The following LANCL1 variants were observed in gnomAD, a reference collection of about 807,000 sequenced individuals.
LANCL1 encodes the protein glutathione S-transferase LANCL1.
LANCL1 carries 50 observed loss-of-function variants against 50.6 expected under a neutral mutation model. The observed-to-expected ratio is 0.99, with a 90% CI of 0.79 to 1.25. LANCL1 has a LOEUF of 1.25. Ranked by LOEUF, LANCL1 falls within the 50% of genes most tolerant of loss-of-function variation. The pLI, the probability that LANCL1 is intolerant of heterozygous loss-of-function variation, is 0.00. For missense variants in LANCL1, 532 were observed against 480.7 expected, an observed-to-expected ratio of 1.11 and a Z score of -1.00; for synonymous variants, 188 against 178.6, an observed-to-expected ratio of 1.05 and a Z score of -0.42.
At position 210,462,823 on chromosome 2, in the gene LANCL1, C is replaced by T. The variant is rs1693904814; in HGVS notation, c.200-7509G>A. ...TTGTTTCCTTCTTACTTTCCAAATT[C>T]CTTTCATACTTTATCAGGGCTTACT... On this transcript the variant is annotated intron_variant, in intron 3 of 9. Coordinates refer to ENST00000450366, the MANE Select transcript of LANCL1 (RefSeq NM_006055.3). Among the ~76,000 whole-genome samples, 4 of 152,138 alleles carry T rather than the reference C, an allele frequency of 2.6e-5. No individual in the cohort carries two copies. The South Asian group carries it at 8.3e-4, about 32-fold the overall frequency.
In LANCL1 at chr2:210,437,795, G is replaced by A; in HGVS notation, c.768C>T (p.Phe256=). 6.2e-7 allele frequency: 1 copy of A among 1,613,198 alleles called. No homozygotes were observed. Among genetic ancestry groups the A allele is most frequent in the South Asian group, 1.1e-5 (1 of 91,020 alleles). The change falls in exon 7 of 10, where the codon TTC becomes TTT. Residue 256 remains phenylalanine, a synonymous_variant. Coordinates refer to ENST00000450366, the MANE Select transcript of LANCL1 (RefSeq NM_006055.3). ...PSVDYVCQLK[F]PSGNYPPCIG... ...TACATGGAGGGTAATTGCCAGAAGG[G>A]AATTTCAGCTGGCAGACGTAGTCTA... is the stretch of plus-strand genomic sequence containing the variant.
chr2:210,465,385 A>T (rs1265228083), intron 3 of LANCL1, among the ~76,000 whole-genome samples: 1 of 152,242 alleles, frequency 6.6e-6, no homozygotes, highest in East Asian at 1.9e-4. Flanking sequence ...ATTACACGAA[A>T]CACCTGAACT....
At chr2:210,451,115 G>A (rs1317636617) in intron 4 of LANCL1, among the ~76,000 whole-genome samples, 1 of 152,208 alleles carries the variant, frequency 6.6e-6, no homozygotes, top group South Asian at 2.1e-4. Context: ...TAAAGAAAAT[G>A]TAGCACATAT....
At chr2:210,456,662 T>A (rs1194099767) in intron 3 of LANCL1, among the ~76,000 whole-genome samples, 1 of 152,134 alleles carries the variant, frequency 6.6e-6, no homozygotes, top group Admixed American at 6.5e-5. Flanking sequence ...TTCATCTCCA[T>A]CCATATCACG....
chr2:210,445,086 C>T (rs903079011), intron 4 of LANCL1, among the ~76,000 whole-genome samples: 20 of 151,674 alleles, frequency 1.3e-4, no homozygotes, highest in Non-Finnish European at 2.6e-4. Flanking sequence ...ATAAATGTGT[C>T]AAATTATATA....
At chr2:210,448,718 T>C (rs763409014) in intron 4 of LANCL1, among the ~76,000 whole-genome samples, 3 of 152,182 alleles carry the variant, frequency 2.0e-5, no homozygotes, top group Non-Finnish European at 2.9e-5. Context: ...CAGAGAATAC[T>C]ATAAACATCT....
chr2:210,453,559 C>A (rs982464322), intron 4 of LANCL1, among the ~76,000 whole-genome samples: 1 of 152,172 alleles, frequency 6.6e-6, no homozygotes, highest in South Asian at 2.1e-4. Flanking sequence ...TCTCACATAG[C>A]AAACTATTAA....
intron 3 of LANCL1, among the ~76,000 whole-genome samples, chr2:210,465,764 C>T (rs1703583111): frequency 6.6e-6 from 1 of 152,108 alleles, no homozygotes; most frequent in South Asian, 2.1e-4. Context: ...CAGCTTTTGC[C>T]AACCAAGAGG....
chr2:210,469,294 CTG>C (rs575955992), intron 3 of LANCL1: 51 of 152,246 alleles, frequency 3.3e-4, no homozygotes, highest in African/African-American at 1.0e-3. Context: ...GGTATTAACA[CTG>C]TGATTTTATG....
chr2:210,472,080 G>C lies in LANCL1; in HGVS notation c.82-4C>G, dbSNP rs200769182. On this transcript the variant is annotated splice_polypyrimidine_tract_variant and splice_region_variant and intron_variant, in intron 2 of 9. Coordinates refer to ENST00000450366, the MANE Select transcript of LANCL1 (RefSeq NM_006055.3). ...GTTGTGAGAACTCAGGAGTCAGCTAGATATTAAAGGAAAACAAGTATCAAA... is the reference window on the plus strand; with the variant it reads ...GTTGTGAGAACTCAGGAGTCAGCTACATATTAAAGGAAAACAAGTATCAAA... 1 of 1,593,916 alleles carries C rather than the reference G, an allele frequency of 6.3e-7. No individual in the cohort carries two copies. Among genetic ancestry groups the C allele is most frequent in the East Asian group, 2.2e-5 (1 of 44,762 alleles).
chr2:210,438,160 G>T (rs977704351), intron 6 of LANCL1, among the ~76,000 whole-genome samples: 1 of 139,930 alleles, frequency 7.1e-6, no homozygotes, highest in African/African-American at 2.7e-5. Context: ...TTGAGATGGA[G>T]TTTCACTCTT....
intron 4 of LANCL1, among the ~76,000 whole-genome samples, chr2:210,452,239 A>G (rs1332212500): frequency 6.6e-6 from 1 of 152,146 alleles, no homozygotes; most frequent in East Asian, 1.9e-4. Context: ...TATTAAAAAA[A>G]AAAAAAAGAT....
chr2:210,471,977 C>G lies in LANCL1; in HGVS notation c.181G>C (p.Gly61Arg). 1 of 1,613,006 alleles carries G rather than the reference C, an allele frequency of 6.2e-7. No homozygotes were observed. The highest frequency in any genetic ancestry group is 1.1e-5 in the South Asian group (1 of 91,054). ...TTCATACCTGCCCAGCCAGTGTAAC[C>G]GGTGCCATCCCGAGGGTCTGCTGAT... ...LKSADPRDGT[G>R]YTGWAGIAVL... Residue 61 changes from glycine (G) to arginine (R), a missense_variant, in exon 3 of 10, where the codon GGT becomes CGT. Physicochemically the swap from Gly to Arg is moderately radical, Grantham distance 125. Transcript: ENST00000450366.
At chr2:210,477,183 A>T (rs1694414146), upstream of LANCL1, among the ~76,000 whole-genome samples, 1 of 147,160 alleles carries the variant, frequency 6.8e-6, no homozygotes, top group Admixed American at 6.7e-5. Context: ...CACCATCATT[A>T]ACAACAACAA....
chr2:210,476,596 A>G (rs897452495), intron 1 of LANCL1, 24 bp downstream of exon 1: 71 of 1,363,340 alleles, frequency 5.2e-5, no homozygotes, highest in Non-Finnish European at 6.7e-5. Flanking sequence ...CTTCGCGAAA[A>G]AGCTGCCAGG....
At chr2:210,470,161 A>G (rs1221469186) in intron 3 of LANCL1, among the ~76,000 whole-genome samples, 1 of 152,220 alleles carries the variant, frequency 6.6e-6, no homozygotes, top group Non-Finnish European at 1.5e-5. Context: ...TTCAACATTC[A>G]CTGATGACAT....
intron 3 of LANCL1, among the ~76,000 whole-genome samples, chr2:210,462,070 G>A (rs1391769317): frequency 1.3e-5 from 2 of 152,132 alleles, no homozygotes; most frequent in African/African-American, 4.8e-5. Flanking sequence ...AGCACCTACA[G>A]TCTACCTGGA....
chr2:210,441,396 A>C lies in LANCL1; in HGVS notation c.455T>G (p.Leu152Arg), dbSNP rs1693128892. 2 of 1,612,258 alleles carry C rather than the reference A, an allele frequency of 1.2e-6. No individual in the cohort carries two copies. The highest frequency in any genetic ancestry group is 1.3e-5 in the African/African-American group (1 of 74,898). Residue 152 changes from leucine (L) to arginine (R), a missense_variant, in exon 5 of 10, where the codon CTC (leucine) becomes CGC (arginine). Physicochemically the swap from Leu to Arg is moderately radical, Grantham distance 102. Transcript: ENST00000450366. ...ATAGATGTAGCCTATTCGCCCATAGAGCATTTCATTTGGAGCATGAGGATC... is the reference window on the plus strand; with the variant it reads ...ATAGATGTAGCCTATTCGCCCATAGCGCATTTCATTTGGAGCATGAGGATC... ...KIDPHAPNEM[L>R]YGRIGYIYAL...
At chr2:210,464,979 A>AG (rs1693999923) in intron 3 of LANCL1, among the ~76,000 whole-genome samples, 2 of 73,944 alleles carry the variant, frequency 2.7e-5, no homozygotes, top group Admixed American at 3.5e-4. Context: ...TCTCAAAAAA[A>AG]AAAAAAAAAA....
Sources: allele counts gnomAD v4.1 joint callset (sites outside exome capture counted in the v4.1 genomes callset), GRCh38; gene constraint gnomAD v4.1.1; transcripts MANE v1.5; gene names NCBI Gene and HGNC (gene_info 2026-07-23, HGNC 2026-07-21).